SLC44A5: variants seen among roughly 807,000 people sequenced by gnomAD.
SLC44A5 encodes the protein solute carrier family 44 member 5.
A neutral mutation model predicts 101.8 loss-of-function variants in SLC44A5; 57 were observed. That is an observed-to-expected ratio of 0.56 (90% confidence interval 0.45 to 0.70). The LOEUF is 0.70. Ranked by LOEUF, SLC44A5 falls within the 30% of genes least tolerant of loss-of-function variation. The probability of loss-of-function intolerance (pLI) is 0.00; values close to 1 mark genes in which losing one functional copy is unlikely to be tolerated. For missense variants in SLC44A5, 737 were observed against 853.1 expected (o/e 0.86, Z 1.70); for synonymous variants, 281 against 290.9 (o/e 0.97, Z 0.35).
rs139863873 is a variant in SLC44A5 at position 75,519,214 on chromosome 1, T to G, written c.13+22221A>C. ...AAAGTGTGAGCGCTTTCAGGAGAGA[T>G]ATTTCTTAGTTGATAAGGTAGGTTA... On this transcript the variant is annotated intron_variant, in intron 2 of 23. Coordinates refer to ENST00000370859, the MANE Select transcript of SLC44A5 (RefSeq NM_001130058.2). Among the ~76,000 whole-genome samples, 5 of 152,184 alleles carry G rather than the reference T, an allele frequency of 3.3e-5. No homozygotes were observed. In the East Asian group the frequency reaches 5.8e-4, roughly 18 times the overall value.
At chr1:75,277,627 A>G (rs1652035712) in intron 5 of SLC44A5, among the ~76,000 whole-genome samples, 1 of 151,820 alleles carries the variant, frequency 6.6e-6, no homozygotes, top group East Asian at 1.9e-4. Context: ...AAAAGAGATG[A>G]CAGGCAATTT....
the SLC44A5 span, among the ~76,000 whole-genome samples, chr1:75,669,195 T>TA: frequency 1.3e-5 from 2 of 151,504 alleles, no homozygotes; most frequent in East Asian, 1.9e-4. Flanking sequence ...AGCTGGAAGA[T>TA]AAAAAAAATT....
intron 6 of SLC44A5, among the ~76,000 whole-genome samples, chr1:75,252,809 A>G (rs1366622386): frequency 6.6e-6 from 1 of 152,232 alleles, no homozygotes; most frequent in East Asian, 1.9e-4. Flanking sequence ...CCATCATAAT[A>G]GGATATGGAG....
At chr1:75,563,740 T>C (rs888616598) in intron 1 of SLC44A5, among the ~76,000 whole-genome samples, 1 of 152,154 alleles carries the variant, frequency 6.6e-6, no homozygotes, top group Non-Finnish European at 1.5e-5. Flanking sequence ...CGCATTATCC[T>C]AAACCACATA....
chr1:75,508,474 C>T (rs58249478), intron 2 of SLC44A5, among the ~76,000 whole-genome samples: 2,640 of 152,128 alleles, frequency 0.017, 79 homozygotes, highest in African/African-American at 0.059. Flanking sequence ...AACCCCAATG[C>T]TAGCAGAAGA....
At chr1:75,717,878 C>A in the SLC44A5 span, among the ~76,000 whole-genome samples, 3 of 152,142 alleles carry the variant, frequency 2.0e-5, no homozygotes, top group Non-Finnish European at 4.4e-5. Context: ...TTGGAGAAAT[C>A]GTAAAAGAGA....
chr1:75,630,116 A>G, the SLC44A5 span, among the ~76,000 whole-genome samples: 4 of 152,188 alleles, frequency 2.6e-5, no homozygotes, highest in Non-Finnish European at 5.9e-5. Flanking sequence ...GGGGAAATGC[A>G]GCACAGCTTT....
Position 75,477,567 on chromosome 1 carries a change from G to A in SLC44A5, c.13+63868C>T, listed in dbSNP as rs541275705. On this transcript the variant is annotated intron_variant, in intron 2 of 23. Coordinates refer to ENST00000370859, the MANE Select transcript of SLC44A5 (RefSeq NM_001130058.2). ...CAGAGAAGTGCTTAAAGGAGCTGAT[G>A]GAGCTGAAAACCAAGGCTCGAGAAC... is the stretch of plus-strand genomic sequence containing the variant. Among the ~76,000 whole-genome samples the A allele has an allele frequency of 1.1e-4, 16 of 152,320 alleles. No individual in the cohort carries two copies. In the East Asian group the frequency reaches 1.4e-3, roughly 13 times the overall value.
intron 1 of SLC44A5, among the ~76,000 whole-genome samples, chr1:75,579,165 C>T (rs556350065): frequency 1.3e-5 from 2 of 152,078 alleles, no homozygotes; most frequent in Non-Finnish European, 1.5e-5. Context: ...ATTAATTAAA[C>T]AGGAAAAGGA....
chr1:75,541,117 A>G (rs113886107), intron 2 of SLC44A5, among the ~76,000 whole-genome samples: 37 of 152,288 alleles, frequency 2.4e-4, no homozygotes, highest in African/African-American at 8.9e-4. Flanking sequence ...GGAGAAAGGG[A>G]ACAGTTTCAG....
the SLC44A5 span, among the ~76,000 whole-genome samples, chr1:75,673,941 AAGG>A: frequency 6.6e-6 from 1 of 152,134 alleles, no homozygotes; most frequent in African/African-American, 2.4e-5. Flanking sequence ...AAGCCTTCTG[AAGG>A]AGGACAGGTA....
intron 2 of SLC44A5, among the ~76,000 whole-genome samples, chr1:75,523,522 A>G (rs556254236): frequency 3.3e-5 from 5 of 150,990 alleles, no homozygotes; most frequent in East Asian, 2.0e-4. Context: ...GAGTTTTGCC[A>G]TGTTGGCCAG....
chr1:75,243,081 C>T, intron 7 of SLC44A5, 70 bp from the exon 8 acceptor site: 1 of 1,479,212 alleles, frequency 6.8e-7, no homozygotes, highest in Non-Finnish European at 9.0e-7. Flanking sequence ...TAAAGCTAGA[C>T]TTCTAAATTA....
At chr1:75,519,088 AC>A (rs980257896) in intron 2 of SLC44A5, among the ~76,000 whole-genome samples, 1 of 152,144 alleles carries the variant, frequency 6.6e-6, no homozygotes, top group African/African-American at 2.4e-5. Context: ...TTTCATTTGA[AC>A]CCACAAACAG....
At position 75,370,989 on chromosome 1, in the gene SLC44A5, T is replaced by C. The variant is rs115798263; in HGVS notation, c.52+25594A>G. Among the ~76,000 whole-genome samples, 6 of 152,074 alleles carry C rather than the reference T, an allele frequency of 3.9e-5. No homozygotes were observed. In the South Asian group the frequency reaches 6.2e-4, roughly 16 times the overall value. On this transcript the variant is annotated intron_variant, in intron 3 of 23. Transcript: ENST00000370859. ...TAAGAGGCATATTAAGAAAGAGGAG[T>C]GAGGAGAAGGATTGGGACAATGCTC...
At chr1:75,384,871 T>A (rs1661189405) in intron 3 of SLC44A5, among the ~76,000 whole-genome samples, 1 of 151,284 alleles carries the variant, frequency 6.6e-6, no homozygotes, top group South Asian at 2.1e-4. Flanking sequence ...CATACCACAG[T>A]GCAATCAAAC....
chr1:75,314,191 A>T (rs1421622909), intron 4 of SLC44A5, among the ~76,000 whole-genome samples: 1 of 152,156 alleles, frequency 6.6e-6, no homozygotes, highest in African/African-American at 2.4e-5. Context: ...TAATACAACA[A>T]CTGTTTGTCA....
the SLC44A5 span, among the ~76,000 whole-genome samples, chr1:75,720,118 C>T: frequency 2.0e-5 from 3 of 152,190 alleles, no homozygotes; most frequent in Non-Finnish European, 4.4e-5. Flanking sequence ...AATTGTCCTA[C>T]ATGTCCCTTC....
intron 3 of SLC44A5, among the ~76,000 whole-genome samples, chr1:75,386,752 G>C (rs1195938034): frequency 6.6e-6 from 1 of 151,126 alleles, no homozygotes; most frequent in African/African-American, 2.4e-5. Context: ...GCATCGCCAA[G>C]GCAATCCTAA....
Sources: gnomAD v4.1 joint callset for allele counts (sites outside exome capture counted in the v4.1 genomes callset) on GRCh38, gnomAD v4.1.1 for gene constraint, MANE v1.5 for transcripts, NCBI Gene and HGNC (gene_info 2026-07-23, HGNC 2026-07-21) for gene names.